Variants in EDA observed in about 807,000 individuals in gnomAD.
EDA encodes the protein ectodysplasin A.
EDA carries 2 observed loss-of-function variants against 23.6 expected under a neutral mutation model. That is an observed-to-expected ratio of 0.08 (90% CI 0.03 to 0.27). The LOEUF (loss-of-function observed/expected upper bound fraction) is 0.27. Ranked by LOEUF, EDA falls within the 10% of genes least tolerant of loss-of-function variation. The pLI is 1.00. For missense variants in EDA, 229 were observed against 324.2 expected, an observed-to-expected ratio of 0.71 and a Z score of 2.26; for synonymous variants, 131 against 132.0, an observed-to-expected ratio of 0.99 and a Z score of 0.05.
intron 1 of EDA, among the ~76,000 whole-genome samples, chrX:69,683,788 T>A (rs1209061106): frequency 8.9e-6 from 1 of 112,287 alleles, no homozygotes; most frequent in Non-Finnish European, 1.9e-5. Context: ...ATTTTCAGAT[T>A]TCTAAGTCAT....
At chrX:69,967,599 A>G (rs2019192824) in intron 2 of EDA, among the ~76,000 whole-genome samples, 1 of 112,155 alleles carries the variant, frequency 8.9e-6, no homozygotes, top group Non-Finnish European at 1.9e-5. Context: ...AGTGACAGAT[A>G]GCTGGCCTAA....
In EDA at chrX:69,801,187, CT is replaced by C. The variant is rs940276007; in HGVS notation, c.397-155831del. Reference sequence around the variant, plus strand: ...ATTTATGAGTTTGGAGTAGGGAAACCTTTTTTTTTGAGAGACAGGGTCTTGC... The same window carrying C: ...ATTTATGAGTTTGGAGTAGGGAAACCTTTTTTTTGAGAGACAGGGTCTTGC... On this transcript the variant is annotated intron_variant, in intron 1 of 7. Transcript: ENST00000374552. Among the ~76,000 whole-genome samples the C allele has an allele frequency of 1.3e-3, 138 of 108,997 alleles. 1 individual carries two copies. The highest frequency in any genetic ancestry group is 4.4e-3 in the African/African-American group (131 of 30,062). The allele number at this position is 108,997 out of a possible 115,157, so 94.7% of individuals were successfully genotyped here. A position where few individuals can be genotyped will look rare whatever the true frequency, so the allele number is the denominator to read the frequency against.
At chrX:69,962,621 G>A (rs925897217) in intron 2 of EDA, among the ~76,000 whole-genome samples, 1 of 110,902 alleles carries the variant, frequency 9.0e-6, no homozygotes, top group African/African-American at 3.3e-5. Context: ...AGTAGAGGCA[G>A]GGTTTCACCT....
intron 1 of EDA, among the ~76,000 whole-genome samples, chrX:69,622,870 G>C (rs886873056): frequency 9.0e-6 from 1 of 111,442 alleles, no homozygotes; most frequent in East Asian, 2.8e-4. Flanking sequence ...CGATTTTTGT[G>C]TATGCTAAGA....
chrX:69,625,882 C>A (rs1335402357), intron 1 of EDA, among the ~76,000 whole-genome samples: 2 of 104,994 alleles, frequency 1.9e-5, no homozygotes, highest in Non-Finnish European at 2.0e-5. Flanking sequence ...AGAAATGCAA[C>A]AGACTAGGAG....
chrX:70,021,013 T>C (rs1285960744), intron 2 of EDA, among the ~76,000 whole-genome samples: 1 of 112,387 alleles, frequency 8.9e-6, no homozygotes, highest in Non-Finnish European at 1.9e-5. Context: ...GTATATTTTG[T>C]ATGAAAATAA....
At chrX:69,989,349 G>T (rs1322928669) in intron 2 of EDA, among the ~76,000 whole-genome samples, 1 of 111,677 alleles carries the variant, frequency 9.0e-6, no homozygotes, top group African/African-American at 3.3e-5. Flanking sequence ...TGTTGCCAGG[G>T]TCATGTCAGC....
intron 1 of EDA, among the ~76,000 whole-genome samples, chrX:69,896,290 C>T (rs1316787252): frequency 9.0e-6 from 1 of 111,318 alleles, no homozygotes; most frequent in Non-Finnish European, 1.9e-5. Context: ...CCAAATATAG[C>T]CACATTGTGA....
intron 2 of EDA, among the ~76,000 whole-genome samples, chrX:69,994,137 G>A (rs1045736475): frequency 3.9e-4 from 43 of 111,393 alleles, no homozygotes; most frequent in African/African-American, 1.4e-3. Flanking sequence ...TGAAGAAGTT[G>A]TAGTAAGTGG....
chrX:69,832,922 G>A (rs1428582149), intron 1 of EDA, among the ~76,000 whole-genome samples: 5 of 111,795 alleles, frequency 4.5e-5, no homozygotes, highest in Non-Finnish European at 9.4e-5. Flanking sequence ...TTGCTTATCA[G>A]CTTAAGGAGA....
chrX:69,949,098 A>C (rs1219129072), intron 1 of EDA, among the ~76,000 whole-genome samples: 1 of 111,748 alleles, frequency 8.9e-6, no homozygotes, highest in Non-Finnish European at 1.9e-5. Context: ...CAGTGGTTGC[A>C]ATAAGAAAAA....
intron 1 of EDA, among the ~76,000 whole-genome samples, chrX:69,731,072 C>CT (rs1275097656): frequency 8.9e-6 from 1 of 112,173 alleles, no homozygotes; most frequent in African/African-American, 3.2e-5. Flanking sequence ...TCTGTTTCTT[C>CT]TTGAATGAGT....
intron 1 of EDA, among the ~76,000 whole-genome samples, chrX:69,632,527 A>G (rs770912275): frequency 1.8e-5 from 2 of 112,366 alleles, no homozygotes; most frequent in Admixed American, 1.9e-4. Flanking sequence ...GTTACCTAGC[A>G]ATCTTTCTTT....
At chrX:69,736,867 A>G (rs2013282071) in intron 1 of EDA, among the ~76,000 whole-genome samples, 1 of 104,009 alleles carries the variant, frequency 9.6e-6, no homozygotes, top group Non-Finnish European at 2.0e-5. Flanking sequence ...AGTCTCCTGG[A>G]TTCAAGCAAT....
chrX:69,916,656 C>T (rs1302332523), intron 1 of EDA, among the ~76,000 whole-genome samples: 2 of 110,292 alleles, frequency 1.8e-5, no homozygotes, highest in Non-Finnish European at 3.8e-5. Flanking sequence ...CCACCCGCCT[C>T]GGCCTCCCAA....
At chrX:69,647,490 C>T (rs1041699381) in intron 1 of EDA, among the ~76,000 whole-genome samples, 1 of 111,577 alleles carries the variant, frequency 9.0e-6, no homozygotes, top group South Asian at 3.8e-4. Flanking sequence ...GTTATTGCTA[C>T]TTGTGATTGC....
rs2019764682 is a variant in EDA at position 70,003,484 on chromosome X, T to G, written c.503-19734T>G. ...CCTGACATCCCTTTTGAGGTAGATA[T>G]TATTGTCCCAATTTTCATAAATGAA... On this transcript the variant is annotated intron_variant, in intron 2 of 7. Transcript: ENST00000374552. Among the ~76,000 whole-genome samples, 13 of 111,927 alleles carry G rather than the reference T, an allele frequency of 1.2e-4. No homozygotes were observed. The South Asian group carries it at 4.9e-3, about 42-fold the overall frequency.
At chrX:69,647,731 C>A (rs1475833919) in intron 1 of EDA, among the ~76,000 whole-genome samples, 1 of 112,070 alleles carries the variant, frequency 8.9e-6, no homozygotes, top group Non-Finnish European at 1.9e-5. Flanking sequence ...TGTGCCTTTG[C>A]TGGAGAGGTG....
At chrX:69,946,567 A>T (rs1402372802) in intron 1 of EDA, among the ~76,000 whole-genome samples, 2 of 111,436 alleles carry the variant, frequency 1.8e-5, no homozygotes, top group Non-Finnish European at 3.8e-5. Flanking sequence ...CCACTACTTA[A>T]TTTTTTTATA....
Sources: allele counts gnomAD v4.1 joint callset (sites outside exome capture counted in the v4.1 genomes callset), GRCh38; gene constraint gnomAD v4.1.1; transcripts MANE v1.5; gene names NCBI Gene and HGNC (gene_info 2026-07-23, HGNC 2026-07-21).